DENND2B: variants seen among roughly 807,000 people sequenced by gnomAD.
DENND2B encodes DENN domain-containing protein 2B.
A neutral mutation model predicts 116.0 loss-of-function variants in DENND2B; 32 were observed. The observed-to-expected ratio is 0.28, with a 90% CI of 0.21 to 0.37. DENND2B has a LOEUF of 0.37. DENND2B is among the 10% of genes least tolerant of loss of function. The probability of loss-of-function intolerance (pLI) is 1.00; values close to 1 mark genes in which losing one functional copy is unlikely to be tolerated. For missense variants in DENND2B, 1,276 were observed against 1,477.7 expected, an observed-to-expected ratio of 0.86 and a Z score of 2.24; for synonymous variants, 588 against 583.9, an observed-to-expected ratio of 1.01 and a Z score of -0.10.
chr11:8,765,288 G>T (rs148931551), intron 1 of DENND2B, among the ~76,000 whole-genome samples: 1 of 152,182 alleles, frequency 6.6e-6, no homozygotes, highest in African/African-American at 2.4e-5. Context: ...TTTAAACAGA[G>T]CAAGTGCTAC....
chr11:8,762,871 TG>T (rs1404418210), intron 1 of DENND2B, among the ~76,000 whole-genome samples: 3 of 151,986 alleles, frequency 2.0e-5, no homozygotes, highest in Non-Finnish European at 2.9e-5. Context: ...AAACAAAAAG[TG>T]ATAACCATAA....
chr11:8,730,442 C>G lies in DENND2B; in HGVS notation c.848G>C (p.Ser283Thr). 1 of 1,610,194 alleles carries G rather than the reference C, an allele frequency of 6.2e-7. No individual in the cohort carries two copies. Among genetic ancestry groups the G allele is most frequent in the Non-Finnish European group, 8.5e-7 (1 of 1,180,000 alleles). ...GSRKESSAVL[S>T]RIQKIEQVLK... ...GACCTGTTCAATTTTCTGGATCCGGCTCAGCACTGCTGAGCTCTCCTTCCT... is the reference window on the plus strand; with the variant it reads ...GACCTGTTCAATTTTCTGGATCCGGGTCAGCACTGCTGAGCTCTCCTTCCT... Residue 283 changes from serine (S) to threonine (T), a missense_variant, in exon 3 of 20, where the codon AGC becomes ACC. Around this residue, in one of 2 missense-constraint regions of DENND2B, gnomAD observed 856 missense variants for 846.6 expected, o/e 1.01. Transcript: ENST00000313726. The surrounding 1 kb of genome is among the most constrained non-coding windows in gnomAD (Gnocchi z 4.1).
chr11:8,834,209 A>G (rs2062328438), intron 4 of DENND2B, among the ~76,000 whole-genome samples: 1 of 152,224 alleles, frequency 6.6e-6, no homozygotes, highest in Non-Finnish European at 1.5e-5. Flanking sequence ...TTGGAAAGTC[A>G]TTCTATTTTC....
At chr11:8,887,488 AC>A (rs1290697052) in intron 1 of DENND2B, among the ~76,000 whole-genome samples, 2 of 152,114 alleles carry the variant, frequency 1.3e-5, no homozygotes, top group African/African-American at 4.8e-5. Flanking sequence ...ATTTTACTTT[AC>A]TTAACTGCAA....
At chr11:8,851,460 T>A (rs572317322) in intron 3 of DENND2B, among the ~76,000 whole-genome samples, 2 of 152,194 alleles carry the variant, frequency 1.3e-5, no homozygotes, top group Non-Finnish European at 2.9e-5. Context: ...TTTTATCTTA[T>A]CAGATTTGCA....
chr11:8,814,064 C>T (rs1009945478), upstream of DENND2B, among the ~76,000 whole-genome samples: 2 of 152,042 alleles, frequency 1.3e-5, no homozygotes, highest in African/African-American at 4.8e-5. Flanking sequence ...TGGGAGACAT[C>T]CTCAACTCTC....
chr11:8,892,073 C>G (rs182229576), intron 1 of DENND2B, among the ~76,000 whole-genome samples: 28 of 152,308 alleles, frequency 1.8e-4, no homozygotes, highest in Admixed American at 1.8e-3. Context: ...AACTACAACT[C>G]AGGATTAAGA....
At chr11:8,809,771 G>A (rs2061221328) in intron 1 of DENND2B, 1 of 152,192 alleles carries the variant, frequency 6.6e-6, no homozygotes, top group Admixed American at 6.5e-5. Context: ...ATGTTCCCCA[G>A]CTCTTAGCAG....
At chr11:8,738,353 T>G (rs1318789954) in intron 2 of DENND2B, among the ~76,000 whole-genome samples, 1 of 152,208 alleles carries the variant, frequency 6.6e-6, no homozygotes, top group South Asian at 2.1e-4. Flanking sequence ...CTCAGTCGGT[T>G]TCCTTGGCTA....
chr11:8,888,367 T>C (rs1594343276), intron 1 of DENND2B, among the ~76,000 whole-genome samples: 1 of 152,174 alleles, frequency 6.6e-6, no homozygotes. Flanking sequence ...AAGAGGCTGG[T>C]GGCCATTGTT....
chr11:8,756,954 T>C (rs1461726377), intron 1 of DENND2B: 1 of 450,868 alleles, frequency 2.2e-6, no homozygotes, highest in Non-Finnish European at 4.4e-6. Context: ...GCATATACCA[T>C]CCATCCAAAG....
chr11:8,895,127 T>C (rs1306196764), intron 1 of DENND2B, among the ~76,000 whole-genome samples: 1 of 152,088 alleles, frequency 6.6e-6, no homozygotes, highest in African/African-American at 2.4e-5. Context: ...GAAACCATCA[T>C]TCTCAGCAAA....
chr11:8,761,041 T>TA (rs1325604999), intron 1 of DENND2B, among the ~76,000 whole-genome samples: 1 of 152,212 alleles, frequency 6.6e-6, no homozygotes, highest in East Asian at 1.9e-4. Flanking sequence ...GAAAGCCCTT[T>TA]AAGTCTGCTT....
chr11:8,832,789 G>T (rs2062269373), intron 4 of DENND2B, among the ~76,000 whole-genome samples: 1 of 152,242 alleles, frequency 6.6e-6, no homozygotes, highest in African/African-American at 2.4e-5. Flanking sequence ...ATTCAGGGAT[G>T]GTGAGGCCCT....
At chr11:8,696,766 G>A in intron 17 of DENND2B, 100 bp from the exon 18 acceptor site, 2 of 1,516,918 alleles carry the variant, frequency 1.3e-6, no homozygotes, top group Non-Finnish European at 1.8e-6. Context: ...AAGACTTCCA[G>A]CCAGTACCAC....
At chr11:8,764,294 T>C (rs770352060) in intron 1 of DENND2B, among the ~76,000 whole-genome samples, 2 of 152,140 alleles carry the variant, frequency 1.3e-5, no homozygotes, top group Non-Finnish European at 2.9e-5. Context: ...CTACAGATCT[T>C]AGATCATTAG....
At chr11:8,768,702 C>T (rs970348409) in intron 1 of DENND2B, 2 of 152,342 alleles carry the variant, frequency 1.3e-5, no homozygotes. Context: ...TCCTCAATCT[C>T]CCTGTAGGAA....
intron 1 of DENND2B, among the ~76,000 whole-genome samples, chr11:8,806,507 T>G (rs16906056): frequency 6.6e-6 from 1 of 151,558 alleles, no homozygotes; most frequent in Non-Finnish European, 1.5e-5. Context: ...CAACAGTACA[T>G]TCATGACATC....
In DENND2B at chr11:8,710,824, G is replaced by A. The variant is rs765679869; in HGVS notation, c.2352+21C>T. Reference sequence around the variant, plus strand: ...GCCTATCCCCTGCCTGCTGGCCTGAGGACCGAATGGCCTCACTCACCAGTA... The same window carrying A: ...GCCTATCCCCTGCCTGCTGGCCTGAAGACCGAATGGCCTCACTCACCAGTA... On this transcript the variant is annotated intron_variant, in intron 11 of 19. Transcript: ENST00000313726. 3 of 1,612,188 alleles carry A rather than the reference G, an allele frequency of 1.9e-6. No individual in the cohort carries two copies. The South Asian group carries it at 3.3e-5, about 18-fold the overall frequency.
Sources: allele counts gnomAD v4.1 joint callset (sites outside exome capture counted in the v4.1 genomes callset), GRCh38; gene constraint gnomAD v4.1.1; regional missense constraint gnomAD v4.1.1; non-coding constraint Gnocchi (gnomAD v3.1); transcripts MANE v1.5; gene names NCBI Gene and HGNC (gene_info 2026-07-23, HGNC 2026-07-21).